Variants in E2F7 observed in about 807,000 individuals in gnomAD.
E2F7 encodes the protein transcription factor E2F7.
In E2F7, 35 loss-of-function variants were observed where a neutral mutation model predicts 81.1. That is an observed-to-expected ratio of 0.43 (90% CI 0.33 to 0.57). E2F7 has a LOEUF of 0.57. E2F7 is among the 20% of genes least tolerant of loss of function. The pLI is 0.04. For synonymous variants in E2F7, 416 were observed against 416.2 expected (o/e 1.00, Z 0.01); for missense variants, 961 against 1,093.7 (o/e 0.88, Z 1.71).
At position 77,034,053 on chromosome 12, in the gene E2F7, G is replaced by A; in HGVS notation, c.1124-11C>T. On this transcript the variant is annotated splice_polypyrimidine_tract_variant and intron_variant, in intron 7 of 12. Coordinates refer to ENST00000322886, the MANE Select transcript of E2F7 (RefSeq NM_203394.3). ...CCACCAGTTCTTCATCTACATAAAC[G>A]AGAGAATTGGTAGTGTTGTTATACA... 5.6e-6 allele frequency: 9 copies of A among 1,607,932 alleles called. No individual in the cohort carries two copies. In the South Asian group the frequency reaches 7.8e-5, roughly 14 times the overall value.
At position 77,027,893 on chromosome 12, in the gene E2F7, C is replaced by G. The variant is rs1267074583; in HGVS notation, c.2130G>C (p.Gln710His). 20 of 1,613,998 alleles carry G rather than the reference C, an allele frequency of 1.2e-5. No homozygotes were observed. The highest frequency in any genetic ancestry group is 1.7e-5 in the Non-Finnish European group (20 of 1,180,028). Reference protein sequence around the residue: ...EPSLLQYLCVQSPAGLNGFNV... With the variant: ...EPSLLQYLCVHSPAGLNGFNV... ...GATGACATCCCTTACCTGCAGGAGA[C>G]TGCACACAAAGATATTGTAGCAAAG... Residue 710 changes from glutamine (Q) to histidine (H), a missense_variant, in exon 11 of 13, where the codon CAG becomes CAC. Gln to His is a conservative substitution (Grantham distance 24). Around this residue, in one of 3 missense-constraint regions of E2F7, gnomAD observed 587 missense variants for 620.3 expected, o/e 0.95. Transcript: ENST00000322886.
intron 10 of E2F7, among the ~76,000 whole-genome samples, chr12:77,028,503 T>C (rs1353663626): frequency 6.6e-6 from 1 of 151,646 alleles, no homozygotes; most frequent in Admixed American, 6.6e-5. Flanking sequence ...AGTCTCGCTC[T>C]GTCACCCAGG....
chr12:77,053,545 C>T (rs1258179626), intron 3 of E2F7, among the ~76,000 whole-genome samples: 2 of 152,158 alleles, frequency 1.3e-5, no homozygotes, highest in African/African-American at 4.8e-5. Flanking sequence ...TGTCTGTGGA[C>T]ACTGAGGTCC....
Position 77,033,879 on chromosome 12 carries a change from G to A in E2F7, c.1287C>T (p.Ser429=). The A allele has an allele frequency of 1.9e-6, 3 of 1,612,402 alleles. No individual in the cohort carries two copies. The highest frequency in any genetic ancestry group is 1.1e-5 in the South Asian group (1 of 90,714). ...RIQRKVNSEP[S]SPYREEQGSG... ...TACCTTGTTCTTCTCTGTACGGGCT[G>A]CTCGGTTCTGAGTTCACTTTCCTCT... The change falls in exon 8 of 13, where the codon AGC becomes AGT. Residue 429 remains serine (S), a synonymous_variant. Coordinates refer to ENST00000322886, the MANE Select transcript of E2F7 (RefSeq NM_203394.3).
In E2F7 at chr12:77,025,804, A is replaced by G. The variant is rs962479406; in HGVS notation, c.2319T>C (p.Gly773=). ...TCACAGGTCCTGTGTTTGGGAGAGC[A>G]CCAAGAGTAGAAGAAACCGGGCCCG... ...AMPGPVSSTL[G]ALPNTGPVNF... is the part of the protein sequence containing the mutation. The change falls in exon 12 of 13, where the codon GGT becomes GGC. Residue 773 remains glycine (G), a synonymous_variant. Coordinates refer to ENST00000322886, the MANE Select transcript of E2F7 (RefSeq NM_203394.3). 1.9e-6 allele frequency: 3 copies of G among 1,613,986 alleles called. No individual in the cohort carries two copies. Among genetic ancestry groups the G allele is most frequent in the Non-Finnish European group, 2.5e-6 (3 of 1,180,036 alleles).
chr12:77,031,822 C>T (rs11116744), intron 9 of E2F7, among the ~76,000 whole-genome samples: 4,001 of 152,218 alleles, frequency 0.026, 120 homozygotes, highest in African/African-American at 0.069. Flanking sequence ...TACCCTGGGC[C>T]GCAGAGATGA....
At chr12:77,044,238 G>A (rs1351142247) in intron 6 of E2F7, 1 of 456,426 alleles carries the variant, frequency 2.2e-6, no homozygotes, top group Non-Finnish European at 4.4e-6. Context: ...CATTCTTCTG[G>A]TTCTTACCTG....
chr12:77,061,026 C>T (rs911523771), intron 2 of E2F7, among the ~76,000 whole-genome samples: 6 of 152,190 alleles, frequency 3.9e-5, no homozygotes, highest in Non-Finnish European at 8.8e-5. Flanking sequence ...GTTTCTTTCT[C>T]TCCTGGTTCT....
chr12:77,057,380 T>G (rs1016412258), intron 2 of E2F7, among the ~76,000 whole-genome samples: 1 of 152,136 alleles, frequency 6.6e-6, no homozygotes, highest in African/African-American at 2.4e-5. Context: ...CTGGCCTTTT[T>G]TAATTTTTTG....
chr12:77,055,767 C>G, intron 3 of E2F7, 88 bp downstream of exon 3: 2 of 1,464,608 alleles, frequency 1.4e-6, no homozygotes, highest in Non-Finnish European at 1.8e-6. Flanking sequence ...TCAATAGGAG[C>G]TGAAAAGTTG....
intron 7 of E2F7, among the ~76,000 whole-genome samples, chr12:77,037,958 T>G (rs910801212): frequency 4.6e-5 from 7 of 152,074 alleles, no homozygotes; most frequent in African/African-American, 1.7e-4. Context: ...ATAAACAATA[T>G]ATATTATGCT....
At chr12:77,027,170 C>A (rs1954766604) in intron 11 of E2F7, among the ~76,000 whole-genome samples, 1 of 152,126 alleles carries the variant, frequency 6.6e-6, no homozygotes, top group Non-Finnish European at 1.5e-5. Context: ...TAGGCTTAAG[C>A]CAACAAGGAA....
chr12:77,039,683 C>T (rs930758330), intron 7 of E2F7, among the ~76,000 whole-genome samples: 1 of 152,180 alleles, frequency 6.6e-6, no homozygotes, highest in Non-Finnish European at 1.5e-5. Context: ...TATGGTTGAA[C>T]TAGAACTCTC....
chr12:77,025,976 T>C lies in E2F7; in HGVS notation c.2147A>G (p.Asn716Ser), dbSNP rs750865206. ...GCCAGATAAAAGTACATTGAAACCA[T>C]TTAATCCTGAAAGAAAAGCAGAACA... ...YLCVQSPAGL[N>S]GFNVLLSGSQ... Residue 716 changes from asparagine to serine, a missense_variant, in exon 12 of 13, where the codon AAT (asparagine) becomes AGT (serine). By Grantham distance (46) the Asn-to-Ser change is conservative. Coordinates refer to ENST00000322886, the MANE Select transcript of E2F7 (RefSeq NM_203394.3). 7 of 1,601,752 alleles carry C rather than the reference T, an allele frequency of 4.4e-6. No individual in the cohort carries two copies. Among genetic ancestry groups the C allele is most frequent in the Middle Eastern group, 1.7e-4 (1 of 5,990 alleles).
chr12:77,030,086 G>A lies in E2F7; in HGVS notation c.1629C>T (p.Gly543=), dbSNP rs1418399776. Residue 543 remains glycine, a synonymous_variant, in exon 10 of 13, where the codon GGC becomes GGT. Coordinates refer to ENST00000322886, the MANE Select transcript of E2F7 (RefSeq NM_203394.3). ...CAGAGGGCACATACACTAGAGGCTG[G>A]CCAGCAAGGAGTGCTGGCTTCAGGC... is the stretch of plus-strand genomic sequence containing the variant. ...VESLKPALLA[G]QPLVYVPSAS... is the part of the protein sequence containing the mutation. The A allele has an allele frequency of 3.1e-6, 5 of 1,614,004 alleles. No individual in the cohort carries two copies. Among genetic ancestry groups the A allele is most frequent in the Non-Finnish European group, 8.5e-7 (1 of 1,180,044 alleles).
chr12:77,055,840 G>T lies in E2F7; in HGVS notation c.369+15C>A, dbSNP rs773765236. The T allele has an allele frequency of 1.9e-5, 30 of 1,576,184 alleles. No individual in the cohort carries two copies. In the Admixed American group the frequency reaches 5.8e-4, roughly 30 times the overall value. ...TTAAGTTCTAAAAAATCCCTGAGGA[G>T]CACAGTCTGTTTACCTGTAGAGAAT... On this transcript the variant is annotated intron_variant, in intron 3 of 12. Transcript: ENST00000322886.
chr12:77,027,184 A>T (rs1474141456), intron 11 of E2F7, among the ~76,000 whole-genome samples: 1 of 152,236 alleles, frequency 6.6e-6, no homozygotes, highest in Non-Finnish European at 1.5e-5. Flanking sequence ...CAAGGAATTG[A>T]GGAAAATCAA....
In E2F7 at chr12:77,050,475, G is replaced by A. The variant is rs188186497; in HGVS notation, c.538+101C>T. 55 of 1,252,374 alleles carry A rather than the reference G, an allele frequency of 4.4e-5. No homozygotes were observed. In the East Asian group the frequency reaches 1.2e-3, roughly 28 times the overall value. The allele number at this position is 1,252,374 out of a possible 1,614,324, so 77.6% of individuals were successfully genotyped here. On this transcript the variant is annotated intron_variant, in intron 4 of 12. Transcript: ENST00000322886. ...TCTGCCTGTTCCTCTGTCTTCACCC[G>A]ATTGAGGGGCCCACTCTACTTCAAG...
intron 3 of E2F7, among the ~76,000 whole-genome samples, chr12:77,054,114 C>T (rs1282774030): frequency 1.3e-5 from 2 of 151,990 alleles, no homozygotes; most frequent in Non-Finnish European, 2.9e-5. Flanking sequence ...GAAAAACTAC[C>T]TATTGGGTAT....
Sources: allele counts gnomAD v4.1 joint callset (sites outside exome capture counted in the v4.1 genomes callset), GRCh38; gene constraint gnomAD v4.1.1; regional missense constraint gnomAD v4.1.1; transcripts MANE v1.5; gene names NCBI Gene and HGNC (gene_info 2026-07-23, HGNC 2026-07-21).